The following TNFRSF19 variants were observed in gnomAD, a reference collection of about 807,000 sequenced individuals.
The protein encoded by TNFRSF19 is TNF receptor superfamily member 19.
In TNFRSF19, 27 loss-of-function variants were observed where a neutral mutation model predicts 46.4. The observed-to-expected ratio is 0.58, with a 90% CI of 0.43 to 0.80. The LOEUF (loss-of-function observed/expected upper bound fraction) is 0.80. Among genes scored for constraint, TNFRSF19 ranks in the 30% least tolerant of loss-of-function variants. TNFRSF19 has a pLI of 0.00. For synonymous variants in TNFRSF19, 204 were observed against 205.0 expected (o/e 1.00, Z 0.04); for missense variants, 511 against 530.8 (o/e 0.96, Z 0.37).
At chr13:23,647,228 G>A (rs180935815) in intron 5 of TNFRSF19, among the ~76,000 whole-genome samples, 1 of 152,200 alleles carries the variant, frequency 6.6e-6, no homozygotes, top group East Asian at 1.9e-4. Flanking sequence ...TGCTCTGTGG[G>A]CTGTCATTTC....
intron 1 of TNFRSF19, among the ~76,000 whole-genome samples, chr13:23,588,308 C>T (rs554751364): frequency 1.5e-4 from 23 of 152,274 alleles, no homozygotes; most frequent in African/African-American, 5.1e-4. Context: ...GCAACTGCTC[C>T]GGGCGCTGGG....
At chr13:23,673,263 A>G (rs1650216011) in intron 9 of TNFRSF19, 109 bp from the exon 10 acceptor site, 1 of 1,218,486 alleles carries the variant, frequency 8.2e-7, no homozygotes, top group African/African-American at 1.5e-5. Context: ...TATTATATCC[A>G]TGTATACTAC....
At chr13:23,636,820 C>CA (rs1486147092) in intron 5 of TNFRSF19, among the ~76,000 whole-genome samples, 7 of 152,130 alleles carry the variant, frequency 4.6e-5, no homozygotes, top group Non-Finnish European at 1.5e-5. Flanking sequence ...AGCAGGAGCT[C>CA]ACTCTCCTAG....
At position 23,596,068 on chromosome 13, in the gene TNFRSF19, T is replaced by C. The variant is rs377573964; in HGVS notation, c.180+2613T>C. 7.2e-5 allele frequency among the ~76,000 whole-genome samples: 11 copies of C among 152,240 alleles called. No homozygotes were observed. In the East Asian group the frequency reaches 1.9e-3, roughly 27 times the overall value. ...TACAGACAAGCAAATGCTGAGAGAT[T>C]TTGTCACCACCAGGCCTGCCTTACA... On this transcript the variant is annotated intron_variant, in intron 3 of 9. Transcript: ENST00000248484.
In TNFRSF19 at chr13:23,659,129, C is replaced by G. The variant is rs114811052; in HGVS notation, c.525C>G (p.Cys175Trp). Residue 175 changes from cysteine to tryptophan, a missense_variant, in exon 6 of 10, where the codon TGC (cysteine) becomes TGG (tryptophan). By Grantham distance (215) the Cys-to-Trp change is radical. Around this residue, in one of 3 missense-constraint regions of TNFRSF19, gnomAD observed 376 missense variants for 372.7 expected, o/e 1.01. Transcript: ENST00000248484. The surrounding 1 kb of genome is among the most constrained non-coding windows in gnomAD (Gnocchi z 4.9). Reference sequence around the variant, plus strand: ...ACACGGCGCTGGCTGCCGTTATCTGCAGCGCTCTGGCCACCGTCCTGCTGG... The same window carrying G: ...ACACGGCGCTGGCTGCCGTTATCTGGAGCGCTCTGGCCACCGTCCTGCTGG... ...PRDTALAAVI[C>W]SALATVLLAL... 21 of 1,614,080 alleles carry G rather than the reference C, an allele frequency of 1.3e-5. No homozygotes were observed. Among genetic ancestry groups the G allele is most frequent in the Non-Finnish European group, 1.5e-5 (18 of 1,180,040 alleles).
chr13:23,659,757 G>A lies in TNFRSF19; in HGVS notation c.610+543G>A, dbSNP rs1029477709. Among the ~76,000 whole-genome samples the A allele has an allele frequency of 2.6e-5, 4 of 152,032 alleles. No individual in the cohort carries two copies. The highest frequency in any genetic ancestry group is 4.4e-5 in the Non-Finnish European group (3 of 67,990). On this transcript the variant is annotated intron_variant, in intron 6 of 9. Coordinates refer to ENST00000248484, the MANE Select transcript of TNFRSF19 (RefSeq NM_148957.4). This position sits in a 1 kb window ranked among gnomAD's most constrained non-coding sequence, Gnocchi z 4.9. ...CCTGACCTCGTGATCCGCCTGCCTC[G>A]GCCTCCCAAAGTGCTGAGATGACAG...
At chr13:23,579,202 G>A (rs1474024522) in intron 1 of TNFRSF19, among the ~76,000 whole-genome samples, 4 of 152,184 alleles carry the variant, frequency 2.6e-5, no homozygotes, top group East Asian at 1.9e-4. Flanking sequence ...GGCCTCCAAA[G>A]AACCCAGCTG....
intron 5 of TNFRSF19, among the ~76,000 whole-genome samples, chr13:23,630,380 C>A (rs1882280708): frequency 6.6e-6 from 1 of 151,538 alleles, no homozygotes; most frequent in African/African-American, 2.4e-5. Context: ...GCTGAAGAGA[C>A]CCGAATTAGG....
At position 23,605,629 on chromosome 13, in the gene TNFRSF19, A is replaced by G. The variant is rs145820193; in HGVS notation, c.181-10238A>G. ...CTACAATGGAATATTACTCTGCACT[A>G]GAAGGAAATAAGCTATCAAGCCGTG... On this transcript the variant is annotated intron_variant, in intron 3 of 9. Coordinates refer to ENST00000248484, the MANE Select transcript of TNFRSF19 (RefSeq NM_148957.4). Among the ~76,000 whole-genome samples the G allele has an allele frequency of 3.3e-4, 50 of 152,336 alleles. No individual in the cohort carries two copies. The East Asian group carries it at 9.2e-3, about 28-fold the overall frequency.
intron 3 of TNFRSF19, among the ~76,000 whole-genome samples, chr13:23,605,092 A>G (rs575711081): frequency 1.3e-5 from 2 of 152,358 alleles, no homozygotes; most frequent in South Asian, 4.1e-4. Context: ...TATTCAAAAC[A>G]TACAAAAAAT....
intron 1 of TNFRSF19, among the ~76,000 whole-genome samples, chr13:23,585,189 A>G (rs555561313): frequency 1.3e-5 from 2 of 152,362 alleles, no homozygotes; most frequent in East Asian, 3.9e-4. Context: ...ATATAGTTTC[A>G]TTACATAGTG....
At chr13:23,587,079 T>G (rs1438950670) in intron 1 of TNFRSF19, among the ~76,000 whole-genome samples, 1 of 152,144 alleles carries the variant, frequency 6.6e-6, no homozygotes, top group African/African-American at 2.4e-5. Context: ...CTCAGTTATT[T>G]GTATGGCTTG....
At position 23,581,240 on chromosome 13, in the gene TNFRSF19, G is replaced by T. The variant is rs1878407762; in HGVS notation, c.-34-8910G>T. Among the ~76,000 whole-genome samples, 4 of 151,856 alleles carry T rather than the reference G, an allele frequency of 2.6e-5. No individual in the cohort carries two copies. In the South Asian group the frequency reaches 8.3e-4, roughly 32 times the overall value. ...TGCGCACTGCAAGCTCCACTTCCCGGGTTCACGCCATTCTCCTGCCTCAGC... is the reference window on the plus strand; with the variant it reads ...TGCGCACTGCAAGCTCCACTTCCCGTGTTCACGCCATTCTCCTGCCTCAGC... On this transcript the variant is annotated intron_variant, in intron 1 of 9. Coordinates refer to ENST00000248484, the MANE Select transcript of TNFRSF19 (RefSeq NM_148957.4).
intron 1 of TNFRSF19, among the ~76,000 whole-genome samples, chr13:23,587,596 A>G (rs3794361): frequency 0.63 from 96,300 of 152,094 alleles, 30,789 homozygotes; most frequent in South Asian, 0.7. Flanking sequence ...TGAGGTAGCC[A>G]TGCTGTCCTG....
At chr13:23,669,428 T>C in intron 9 of TNFRSF19, 2 of 984,754 alleles carry the variant, frequency 2.0e-6, no homozygotes, top group Non-Finnish European at 2.4e-6. Context: ...CTGACCTTCA[T>C]TTCTTCCTGT....
intron 1 of TNFRSF19, among the ~76,000 whole-genome samples, chr13:23,583,400 T>A (rs1460311696): frequency 6.6e-6 from 1 of 152,230 alleles, no homozygotes; most frequent in East Asian, 1.9e-4. Context: ...ATTTAGTGAT[T>A]GAGTAGTGAG....
In TNFRSF19 at chr13:23,675,289, A is replaced by C. The variant is rs1951813068; in HGVS notation, c.*1909A>C. On this transcript the variant is annotated 3_prime_UTR_variant, in exon 10 of 10. Transcript: ENST00000248484. ...GTTATGACAGAGAGATGATGTTTGC[A>C]TTTCTGTTATGACAGAGAGATGATG... is the stretch of plus-strand genomic sequence containing the variant. 6.6e-6 allele frequency: 1 copy of C among 152,204 alleles called. No individual in the cohort carries two copies. Among genetic ancestry groups the C allele is most frequent in the Admixed American group, 6.5e-5 (1 of 15,286 alleles). The allele number at this position is 152,204 out of a possible 1,614,324, so 9.4% of individuals were successfully genotyped here. A position where few individuals can be genotyped will look rare whatever the true frequency, so the allele number is the denominator to read the frequency against.
At chr13:23,658,630 C>G (rs1025006056) in intron 5 of TNFRSF19, among the ~76,000 whole-genome samples, 2 of 152,202 alleles carry the variant, frequency 1.3e-5, no homozygotes, top group African/African-American at 4.8e-5. Context: ...AAAAAGCATA[C>G]ATGCATTCAG....
intron 5 of TNFRSF19, among the ~76,000 whole-genome samples, chr13:23,651,893 T>TAAAAAAAAA (rs34023907): frequency 1.7e-3 from 17 of 9,954 alleles, no homozygotes; most frequent in Non-Finnish European, 1.8e-3. Context: ...CATAACATGC[T>TAAAAAAAAA]AAAAAAAAAA....
Sources: gnomAD v4.1 joint callset for allele counts (sites outside exome capture counted in the v4.1 genomes callset) on GRCh38, gnomAD v4.1.1 for gene constraint, gnomAD v4.1.1 regional missense constraint, Gnocchi (gnomAD v3.1) non-coding constraint, MANE v1.5 for transcripts, NCBI Gene and HGNC (gene_info 2026-07-23, HGNC 2026-07-21) for gene names.